LRRTM3: variants seen among roughly 807,000 people sequenced by gnomAD.
LRRTM3 encodes leucine rich repeat transmembrane neuronal 3, also known as leucine-rich repeat transmembrane neuronal protein 3.
Under a neutral mutation model 44.7 loss-of-function variants are expected in LRRTM3, and 24 were observed. The observed-to-expected ratio is 0.54, with a 90% CI of 0.39 to 0.76. LRRTM3 has a LOEUF of 0.76. LRRTM3 is among the 30% of genes least tolerant of loss of function. LRRTM3 has a pLI of 0.00. For missense variants in LRRTM3, 587 were observed against 702.2 expected (o/e 0.84, Z 1.85); for synonymous variants, 277 against 278.7 (o/e 0.99, Z 0.06).
chr10:67,068,875 C>T (rs1856259340), intron 2 of LRRTM3, among the ~76,000 whole-genome samples: 1 of 152,048 alleles, frequency 6.6e-6, no homozygotes, highest in African/African-American at 2.4e-5. Flanking sequence ...GCCTGGCCAA[C>T]ATGGTGAAAC....
chr10:67,001,683 T>C (rs1851700323), intron 2 of LRRTM3, among the ~76,000 whole-genome samples: 1 of 152,198 alleles, frequency 6.6e-6, no homozygotes, highest in South Asian at 2.1e-4. Context: ...ATCCTAATTG[T>C]ATTCATAATG....
At chr10:67,092,379 A>T (rs997318451) in intron 2 of LRRTM3, among the ~76,000 whole-genome samples, 1 of 151,992 alleles carries the variant, frequency 6.6e-6, no homozygotes, top group Non-Finnish European at 1.5e-5. Context: ...AATTCTAGAG[A>T]AGGAAAACAT....
intron 2 of LRRTM3, among the ~76,000 whole-genome samples, chr10:67,010,346 TTGTTTTAAAATA>T (rs1453072731): frequency 6.6e-6 from 1 of 152,192 alleles, no homozygotes; most frequent in African/African-American, 2.4e-5. Context: ...TGTTTTAAAA[TTGTTTTAAAATA>T]TGTTTTAAAA....
intron 2 of LRRTM3, among the ~76,000 whole-genome samples, chr10:66,998,686 A>T (rs2140370): frequency 0.52 from 78,553 of 151,928 alleles, 20,993 homozygotes; most frequent in Middle Eastern, 0.73. Context: ...CATATGTGAG[A>T]AATAACATTG....
intron 2 of LRRTM3, chr10:67,013,021 C>T (rs1004233170): frequency 1.3e-5 from 2 of 151,984 alleles, no homozygotes; most frequent in Non-Finnish European, 2.9e-5. Context: ...CTGCAATGGC[C>T]ACTAGGTAAT....
At chr10:67,097,084 C>A (rs1335025383) in intron 2 of LRRTM3, among the ~76,000 whole-genome samples, 1 of 151,776 alleles carries the variant, frequency 6.6e-6, no homozygotes, top group Non-Finnish European at 1.5e-5. Context: ...GATTCCAGGA[C>A]CTATACCAGA....
chr10:67,021,401 A>T (rs1194735060), intron 2 of LRRTM3, among the ~76,000 whole-genome samples: 3 of 152,286 alleles, frequency 2.0e-5, no homozygotes, highest in Admixed American at 6.5e-5. Context: ...TTGATATTTT[A>T]AAAGTCATAT....
In LRRTM3 at chr10:67,094,469, G is replaced by A. The variant is rs190963614; in HGVS notation, c.1537-3118G>A. On this transcript the variant is annotated intron_variant, in intron 2 of 2. Transcript: ENST00000361320. ...TAAATTATTATTTATAGTAATTGGG[G>A]GAACAGTGTATAATTAAAAAGAAAA... is the stretch of plus-strand genomic sequence containing the variant. 7.3e-5 allele frequency among the ~76,000 whole-genome samples: 11 copies of A among 151,580 alleles called. No homozygotes were observed. The East Asian group carries it at 1.4e-3, about 19-fold the overall frequency.
At chr10:67,093,085 G>T (rs534087315) in intron 2 of LRRTM3, among the ~76,000 whole-genome samples, 42 of 152,072 alleles carry the variant, frequency 2.8e-4, no homozygotes, top group South Asian at 2.3e-3. Flanking sequence ...CAGAAGTAAT[G>T]ATAAACAGGA....
At chr10:67,021,179 G>T (rs1273649082) in intron 2 of LRRTM3, among the ~76,000 whole-genome samples, 1 of 152,066 alleles carries the variant, frequency 6.6e-6, no homozygotes, top group Non-Finnish European at 1.5e-5. Context: ...AAAGTATCAA[G>T]ATCAGAAAAG....
Position 67,040,667 on chromosome 10 carries a change from T to C in LRRTM3, c.1537-56920T>C, listed in dbSNP as rs192810231. Among the ~76,000 whole-genome samples, 45 of 152,250 alleles carry C rather than the reference T, an allele frequency of 3.0e-4. No homozygotes were observed. The East Asian group carries it at 7.9e-3, about 27-fold the overall frequency. On this transcript the variant is annotated intron_variant, in intron 2 of 2. Transcript: ENST00000361320. The stretch of plus-strand genomic sequence containing the variant: ...GACATTATTAAGATGATGACACTGA[T>C]GGTGATGCAAATTAAAACCCCTGAG...
intron 2 of LRRTM3, among the ~76,000 whole-genome samples, chr10:67,042,163 A>C (rs1004290965): frequency 1.8e-4 from 27 of 152,162 alleles, no homozygotes; most frequent in African/African-American, 5.8e-4. Context: ...TGTTTTATGT[A>C]TACATTAAAA....
chr10:67,086,759 G>C (rs1857333852), intron 2 of LRRTM3, among the ~76,000 whole-genome samples: 1 of 151,940 alleles, frequency 6.6e-6, no homozygotes, highest in Non-Finnish European at 1.5e-5. Context: ...GATATGGAGA[G>C]TTCTTTCCAC....
chr10:66,980,601 A>G, intron 2 of LRRTM3, among the ~76,000 whole-genome samples: 1 of 152,196 alleles, frequency 6.6e-6, no homozygotes. Context: ...ATGAGTAGCA[A>G]CGTGGCAGAT....
Position 67,051,821 on chromosome 10 carries a change from C to T in LRRTM3, c.1537-45766C>T, listed in dbSNP as rs150718363. ...CCAGGCTGGAGTGCAGTGGCACCAT[C>T]TCGGCTCACTGCAACCTCTGCCTCA... On this transcript the variant is annotated intron_variant, in intron 2 of 2. Coordinates refer to ENST00000361320, the MANE Select transcript of LRRTM3 (RefSeq NM_178011.5). Among the ~76,000 whole-genome samples, 626 of 151,790 alleles carry T rather than the reference C, an allele frequency of 4.1e-3. 2 individuals are homozygous for T. Among genetic ancestry groups the T allele is most frequent in the African/African-American group, 0.014 (583 of 41,338 alleles).
intron 2 of LRRTM3, among the ~76,000 whole-genome samples, chr10:67,059,485 C>T (rs772461603): frequency 1.7e-4 from 26 of 151,982 alleles, no homozygotes; most frequent in Non-Finnish European, 1.6e-4. Context: ...GAATTTAGGT[C>T]GAAGGTAATA....
intron 2 of LRRTM3, among the ~76,000 whole-genome samples, chr10:66,957,397 T>TATATATATATATGCATATATATATATAC (rs1564793769): frequency 2.7e-5 from 1 of 36,834 alleles, no homozygotes; most frequent in African/African-American, 5.5e-5. Flanking sequence ...TATATACATA[T>TATATATATATATGCATATATATATATAC]ATATATATAT....
At chr10:67,019,678 T>C (rs1462830130) in intron 2 of LRRTM3, among the ~76,000 whole-genome samples, 3 of 152,216 alleles carry the variant, frequency 2.0e-5, no homozygotes, top group African/African-American at 7.2e-5. Context: ...TCAGGACTCC[T>C]GGAGGTCTCC....
chr10:67,010,550 G>GT (rs1490822056), intron 2 of LRRTM3, among the ~76,000 whole-genome samples: 1 of 152,172 alleles, frequency 6.6e-6, no homozygotes, highest in African/African-American at 2.4e-5. Context: ...AAGAAGAAGA[G>GT]TGGGGGGAGC....
Sources: allele counts gnomAD v4.1 joint callset (sites outside exome capture counted in the v4.1 genomes callset), GRCh38; gene constraint gnomAD v4.1.1; transcripts MANE v1.5; gene names NCBI Gene and HGNC (gene_info 2026-07-23, HGNC 2026-07-21).